The following SIPA1L3 variants were observed in gnomAD, a reference collection of about 807,000 sequenced individuals.
SIPA1L3 encodes signal induced proliferation associated 1 like 3.
In SIPA1L3, 59 loss-of-function variants were observed where a neutral mutation model predicts 150.1. The observed-to-expected ratio is 0.39, with a 90% CI of 0.32 to 0.49. SIPA1L3 has a LOEUF of 0.49. Ranked by LOEUF, SIPA1L3 falls within the 20% of genes least tolerant of loss-of-function variation. SIPA1L3 has a pLI of 0.86. For synonymous variants in SIPA1L3, 1,070 were observed against 1,077.6 expected (o/e 0.99, Z 0.14); for missense variants, 2,211 against 2,489.5 (o/e 0.89, Z 2.38).
At chr19:38,151,509 A>G (rs972098154) in intron 12 of SIPA1L3, among the ~76,000 whole-genome samples, 1 of 152,152 alleles carries the variant, frequency 6.6e-6, no homozygotes, top group African/African-American at 2.4e-5. Flanking sequence ...GGGCGTCTTA[A>G]TAACTCACCT....
intron 1 of SIPA1L3, among the ~76,000 whole-genome samples, chr19:37,908,453 C>A (rs994541448): frequency 2.0e-5 from 3 of 152,222 alleles, no homozygotes; most frequent in African/African-American, 7.2e-5. Context: ...TGAGCTCCCC[C>A]ACACATTTGC....
At chr19:38,201,435 G>T (rs1469983415) in intron 19 of SIPA1L3, among the ~76,000 whole-genome samples, 1 of 152,210 alleles carries the variant, frequency 6.6e-6, no homozygotes, top group East Asian at 1.9e-4. Context: ...TCCTCCGAAG[G>T]AGAGCGAATT....
intron 2 of SIPA1L3, among the ~76,000 whole-genome samples, chr19:38,029,433 G>T (rs1031396533): frequency 6.6e-6 from 1 of 152,170 alleles, no homozygotes; most frequent in Non-Finnish European, 1.5e-5. Flanking sequence ...AGGCTATGCA[G>T]TGCTTCTTGG....
chr19:38,141,751 G>T lies in SIPA1L3; in HGVS notation c.3395+316G>T, dbSNP rs559008257. On this transcript the variant is annotated intron_variant, in intron 11 of 21. Coordinates refer to ENST00000222345, the MANE Select transcript of SIPA1L3 (RefSeq NM_015073.3). ...TAATCCCAACATTTTGGGAGGTCAA[G>T]GCAGGAGCATTGCTTGAGGCCAGGA... 3.6e-4 allele frequency among the ~76,000 whole-genome samples: 55 copies of T among 152,318 alleles called. No individual in the cohort carries two copies. The South Asian group carries it at 9.1e-3, about 25-fold the overall frequency.
At position 38,047,221 on chromosome 19, in the gene SIPA1L3, C is replaced by T. The variant is rs185989816; in HGVS notation, c.-311+18065C>T. Among the ~76,000 whole-genome samples, 456 of 152,246 alleles carry T rather than the reference C, an allele frequency of 3.0e-3. 2 individuals carry two copies. The highest frequency in any genetic ancestry group is 3.7e-3 in the Non-Finnish European group (249 of 68,022). On this transcript the variant is annotated intron_variant, in intron 2 of 21. Coordinates refer to ENST00000222345, the MANE Select transcript of SIPA1L3 (RefSeq NM_015073.3). The surrounding 1 kb of genome is among the most constrained non-coding windows in gnomAD (Gnocchi z 4.7). ...TACTTCCTGCCAGCCTGTTCTCCCC[C>T]GCCGACACACACGCACGCACACACG...
Position 38,088,783 on chromosome 19 carries a change from G to A in SIPA1L3, c.1597G>A (p.Glu533Lys). 6.2e-7 allele frequency: 1 copy of A among 1,614,176 alleles called. No homozygotes were observed. Among genetic ancestry groups the A allele is most frequent in the Non-Finnish European group, 8.5e-7 (1 of 1,180,018 alleles). The change falls in exon 4 of 22, where the codon GAG becomes AAG. Residue 533 changes from glutamate (E) to lysine (K), a missense_variant. Transcript: ENST00000222345. ...LGPVAVSIKR[E>K]KLEDHKEHGP... The stretch of plus-strand genomic sequence containing the variant: ...GCCAGTGGCTGTGAGCATTAAGCGG[G>A]AGAAGCTGGAAGACCACAAGGAGCA...
intron 1 of SIPA1L3, among the ~76,000 whole-genome samples, chr19:37,920,688 T>C (rs1251887399): frequency 6.6e-6 from 1 of 152,238 alleles, no homozygotes; most frequent in African/African-American, 2.4e-5. Flanking sequence ...TCAGTCCACT[T>C]ATATAATACA....
chr19:38,123,837 GTGGCCGGGC>G (rs1971093511), intron 9 of SIPA1L3, among the ~76,000 whole-genome samples: 2 of 121,688 alleles, frequency 1.6e-5, no homozygotes, highest in Admixed American at 1.5e-4. Flanking sequence ...CCCAGTAGGG[GTGGCCGGGC>G]AGAGGCGCCC....
intron 15 of SIPA1L3, among the ~76,000 whole-genome samples, chr19:38,167,920 C>A (rs951893463): frequency 2.6e-5 from 4 of 152,090 alleles, no homozygotes; most frequent in African/African-American, 9.7e-5. Context: ...CTCTTTCATT[C>A]ATTTATTCAT....
At chr19:37,983,814 G>A (rs1318885189) in intron 1 of SIPA1L3, among the ~76,000 whole-genome samples, 1 of 151,344 alleles carries the variant, frequency 6.6e-6, no homozygotes, top group African/African-American at 2.4e-5. Flanking sequence ...GCTGAGGTGG[G>A]AGGATAACTT....
chr19:37,997,080 G>A (rs1178758294), intron 1 of SIPA1L3, among the ~76,000 whole-genome samples: 2 of 152,148 alleles, frequency 1.3e-5, no homozygotes, highest in African/African-American at 4.8e-5. Flanking sequence ...TTGGGAGTGG[G>A]TGGGGGAAGA....
At chr19:38,066,801 G>C (rs1969602575) in intron 2 of SIPA1L3, among the ~76,000 whole-genome samples, 2 of 151,234 alleles carry the variant, frequency 1.3e-5, no homozygotes, top group South Asian at 4.2e-4. Context: ...ACTCCAGCCT[G>C]GGCGACAGAG....
At chr19:38,189,782 G>C (rs568032701) in intron 16 of SIPA1L3, among the ~76,000 whole-genome samples, 21 of 152,216 alleles carry the variant, frequency 1.4e-4, no homozygotes, top group African/African-American at 5.1e-4. Context: ...AATAGAAAAA[G>C]AAAGTGAATC....
chr19:38,171,523 G>T (rs1434542772), intron 15 of SIPA1L3, among the ~76,000 whole-genome samples: 1 of 150,798 alleles, frequency 6.6e-6, no homozygotes, highest in Non-Finnish European at 1.5e-5. Context: ...CTCCCGAGTA[G>T]CTGGGATTAC....
At chr19:38,202,959 A>G (rs1973122023) in intron 20 of SIPA1L3, among the ~76,000 whole-genome samples, 1 of 152,246 alleles carries the variant, frequency 6.6e-6, no homozygotes, top group Non-Finnish European at 1.5e-5. Flanking sequence ...AAAAAGAGGC[A>G]GAGAGAATGT....
intron 1 of SIPA1L3, among the ~76,000 whole-genome samples, chr19:37,961,319 T>C (rs1431211323): frequency 6.6e-6 from 1 of 152,114 alleles, no homozygotes; most frequent in Non-Finnish European, 1.5e-5. Flanking sequence ...TGTGCCCTTC[T>C]CCACCTTGAT....
chr19:38,118,826 G>A (rs944891972), intron 8 of SIPA1L3, among the ~76,000 whole-genome samples: 4 of 152,048 alleles, frequency 2.6e-5, no homozygotes, highest in Non-Finnish European at 4.4e-5. Context: ...GAGCCACTGC[G>A]CCCAGCCGAC....
In SIPA1L3 at chr19:38,002,752, G is replaced by GTATA. The variant is rs1181791491; in HGVS notation, c.-378-26327_-378-26324dup. Among the ~76,000 whole-genome samples the GTATA allele has an allele frequency of 8.9e-3, 1,220 of 137,512 alleles. 19 individuals are homozygous for GTATA. The highest frequency in any genetic ancestry group is 0.031 in the African/African-American group (1,138 of 37,154). The allele number at this position is 137,512 out of a possible 152,430, so 90.2% of individuals were successfully genotyped here. A position where few individuals can be genotyped will look rare whatever the true frequency, so the allele number is the denominator to read the frequency against. ...AAAAAAAAAAAAAAAAAATTTATAT[G>GTATA]TATATATATATATCTCACATTTTGC... On this transcript the variant is annotated intron_variant, in intron 1 of 21. Coordinates refer to ENST00000222345, the MANE Select transcript of SIPA1L3 (RefSeq NM_015073.3).
chr19:38,144,110 C>G (rs977121651), intron 12 of SIPA1L3, among the ~76,000 whole-genome samples: 1 of 152,192 alleles, frequency 6.6e-6, no homozygotes, highest in African/African-American at 2.4e-5. Flanking sequence ...GCTTCTGTGC[C>G]CCTCTCCAGA....
Sources: gnomAD v4.1 joint callset for allele counts (sites outside exome capture counted in the v4.1 genomes callset) on GRCh38, gnomAD v4.1.1 for gene constraint, Gnocchi (gnomAD v3.1) non-coding constraint, MANE v1.5 for transcripts, NCBI Gene and HGNC (gene_info 2026-07-23, HGNC 2026-07-21) for gene names.